Variants in ZFAT observed in about 807,000 individuals in gnomAD.
ZFAT encodes zinc finger and AT-hook domain containing, also known as zinc finger protein ZFAT.
In ZFAT, 64 loss-of-function variants were observed where a neutral mutation model predicts 117.7. The ratio of observed to expected loss-of-function variants is 0.54; its 90% confidence interval spans 0.44 to 0.67. ZFAT has a LOEUF of 0.67. Ranked by LOEUF, ZFAT falls within the 30% of genes least tolerant of loss-of-function variation. The pLI, the probability that ZFAT is intolerant of heterozygous loss-of-function variation, is 0.00. For missense variants in ZFAT, 1,433 were observed against 1,584.5 expected (o/e 0.90, Z 1.62); for synonymous variants, 679 against 615.0 (o/e 1.10, Z -1.54).
Position 134,478,080 on chromosome 8 carries a change from G to A in ZFAT, c.*402C>T, listed in dbSNP as rs765312527. ...TCTCCCTCTCACCAGACTGCATAGC[G>A]GTTGCAGATGAACATTTGGCACCTA... is the stretch of plus-strand genomic sequence containing the variant. On this transcript the variant is annotated 3_prime_UTR_variant, in exon 16 of 16. Transcript: ENST00000377838. The surrounding 1 kb of genome is among the most constrained non-coding windows in gnomAD (Gnocchi z 5.2). 2.3e-4 allele frequency: 53 copies of A among 232,078 alleles called. No individual in the cohort carries two copies. The highest frequency in any genetic ancestry group is 3.2e-4 in the Non-Finnish European group (37 of 115,878). The allele number at this position is 232,078 out of a possible 1,614,324, so 14.4% of individuals were successfully genotyped here.
At chr8:134,510,303 C>G in intron 14 of ZFAT, 1 of 391,340 alleles carries the variant, frequency 2.6e-6, no homozygotes, top group Non-Finnish European at 5.3e-6. Context: ...CATCATCAGG[C>G]AGCTATTTAG....
the ZFAT span, among the ~76,000 whole-genome samples, chr8:134,818,394 G>C: frequency 6.6e-6 from 1 of 152,256 alleles, no homozygotes; most frequent in African/African-American, 2.4e-5. Flanking sequence ...GCAGTCATTA[G>C]AGAAATGCAA....
chr8:134,689,670 T>G (rs1833502595), intron 1 of ZFAT, among the ~76,000 whole-genome samples: 1 of 152,154 alleles, frequency 6.6e-6, no homozygotes, highest in Non-Finnish European at 1.5e-5. Context: ...TTGAAAACAA[T>G]ATAGAAGGCC....
intron 10 of ZFAT, among the ~76,000 whole-genome samples, chr8:134,583,129 T>G (rs1363226728): frequency 6.6e-6 from 1 of 152,000 alleles, no homozygotes; most frequent in Non-Finnish European, 1.5e-5. Flanking sequence ...CCTCGACCCA[T>G]GCCCTGCTCC....
chr8:134,512,478 T>C lies in ZFAT; in HGVS notation c.3358A>G (p.Ser1120Gly). Reference protein sequence around the residue: ...ALQDLRYTSESGDRLDPTAVN... With the variant: ...ALQDLRYTSEGGDRLDPTAVN... ...AAGGAAGACCAGGCGTCCTCACCAC[T>C]CTCAGAGGTGTATCTCAGGTCCTGG... The change falls in exon 14 of 16, where the codon AGT (serine) becomes GGT (glycine). Residue 1120 changes from serine to glycine, a missense_variant. By Grantham distance (56) the Ser-to-Gly change is moderately conservative. Around this residue, in one of 5 missense-constraint regions of ZFAT, gnomAD observed 503 missense variants for 543.4 expected, o/e 0.93. Transcript: ENST00000377838. 1 of 1,613,840 alleles carries C rather than the reference T, an allele frequency of 6.2e-7. No homozygotes were observed.
At position 134,520,895 on chromosome 8, in the gene ZFAT, G is replaced by T; in HGVS notation, c.3222C>A (p.Asp1074Glu). The change falls in exon 13 of 16, where the codon GAC (aspartate) becomes GAA (glutamate). Residue 1074 changes from aspartate to glutamate, a missense_variant. Asp to Glu is a conservative substitution (Grantham distance 45, BLOSUM62 2). Transcript: ENST00000377838. ...HGLKVVEIDG[D>E]PKWETATEAP... ...TTAAAAAAATTACCTCCCACTTGGG[G>T]TCTCCATCAATTTCCACCACCTTCA... 1.2e-6 allele frequency: 2 copies of T among 1,613,544 alleles called. No homozygotes were observed. Among genetic ancestry groups the T allele is most frequent in the South Asian group, 1.1e-5 (1 of 91,054 alleles).
chr8:134,528,630 A>C (rs1294801112), intron 12 of ZFAT, among the ~76,000 whole-genome samples: 2 of 152,216 alleles, frequency 1.3e-5, no homozygotes, highest in Non-Finnish European at 2.9e-5. Context: ...TCTCCTTGAC[A>C]CTTCTCCTCT....
the ZFAT span, among the ~76,000 whole-genome samples, chr8:134,814,677 A>G: frequency 6.6e-6 from 1 of 152,336 alleles, no homozygotes; most frequent in East Asian, 1.9e-4. Flanking sequence ...CACACCCATC[A>G]TGCCCTCCAC....
chr8:134,819,580 C>A, the ZFAT span, among the ~76,000 whole-genome samples: 6 of 145,336 alleles, frequency 4.1e-5, no homozygotes, highest in African/African-American at 1.5e-4. Context: ...TGCTCCCGCT[C>A]CTCCAATATT....
intron 15 of ZFAT, among the ~76,000 whole-genome samples, chr8:134,482,119 G>T (rs1817352629): frequency 6.6e-6 from 1 of 152,136 alleles, no homozygotes; most frequent in Non-Finnish European, 1.5e-5. Context: ...TTCTCCTTCT[G>T]CCCATCACTA....
chr8:134,602,221 G>C lies in ZFAT; in HGVS notation c.1498C>G (p.Leu500Val), dbSNP rs760196641. Residue 500 changes from leucine to valine, a missense_variant, in exon 6 of 16, where the codon CTC (leucine) becomes GTC (valine). Leu to Val is a conservative substitution (Grantham distance 32). Transcript: ENST00000377838. Reference sequence around the variant, plus strand: ...TGGATGTCCCCACCAGGTTCCAGGAGGCAGAAGCTCTGGTTGATGGAACTG... The same window carrying C: ...TGGATGTCCCCACCAGGTTCCAGGACGCAGAAGCTCTGGTTGATGGAACTG... Reference protein sequence around the residue: ...FTSSINQSFCLLEPGGDIQQE... With the variant: ...FTSSINQSFCVLEPGGDIQQE... 1 of 1,613,686 alleles carries C rather than the reference G, an allele frequency of 6.2e-7. No individual in the cohort carries two copies. Among genetic ancestry groups the C allele is most frequent in the Admixed American group, 1.7e-5 (1 of 60,030 alleles).
the ZFAT span, among the ~76,000 whole-genome samples, chr8:134,727,589 T>A: frequency 7.2e-5 from 11 of 152,224 alleles, no homozygotes; most frequent in Non-Finnish European, 1.5e-5. Context: ...CCACCTATTT[T>A]ACACGTCAAG....
intron 1 of ZFAT, among the ~76,000 whole-genome samples, chr8:134,685,896 T>C (rs1046055709): frequency 6.6e-6 from 1 of 152,166 alleles, no homozygotes; most frequent in Non-Finnish European, 1.5e-5. Flanking sequence ...ATTAACCCAG[T>C]AAGTGAGGGG....
At chr8:134,752,741 T>G in the ZFAT span, among the ~76,000 whole-genome samples, 13 of 152,150 alleles carry the variant, frequency 8.5e-5, no homozygotes, top group African/African-American at 2.9e-4. Flanking sequence ...GCCATCTTTA[T>G]GCAGCACGCT....
At chr8:134,763,359 C>T in the ZFAT span, among the ~76,000 whole-genome samples, 2 of 152,150 alleles carry the variant, frequency 1.3e-5, no homozygotes, top group Non-Finnish European at 2.9e-5. Flanking sequence ...TTTATTACTA[C>T]CTTCGAGCTT....
chr8:134,550,135 G>A (rs935499242), intron 11 of ZFAT, among the ~76,000 whole-genome samples: 2 of 152,100 alleles, frequency 1.3e-5, no homozygotes, highest in Non-Finnish European at 2.9e-5. Context: ...GTCACACTCT[G>A]GTCTATAATC....
intron 1 of ZFAT, among the ~76,000 whole-genome samples, chr8:134,712,558 G>A (rs1368495319): frequency 6.6e-6 from 1 of 150,632 alleles, no homozygotes; most frequent in East Asian, 2.0e-4. Context: ...GCTGGCCCGC[G>A]CCCCAACGCC....
chr8:134,713,173 C>G (rs997981479), upstream of ZFAT: 5 of 283,652 alleles, frequency 1.8e-5, no homozygotes, highest in Admixed American at 2.6e-4. Context: ...TGCTTTTTAT[C>G]CCACTTCACG....
intron 1 of ZFAT, among the ~76,000 whole-genome samples, chr8:134,687,451 A>T (rs1833376914): frequency 6.6e-6 from 1 of 152,218 alleles, no homozygotes; most frequent in Non-Finnish European, 1.5e-5. Context: ...ATTTTTAAGC[A>T]CTCTCAAAAT....
Sources: allele counts gnomAD v4.1 joint callset (sites outside exome capture counted in the v4.1 genomes callset), GRCh38; gene constraint gnomAD v4.1.1; regional missense constraint gnomAD v4.1.1; non-coding constraint Gnocchi (gnomAD v3.1); transcripts MANE v1.5; gene names NCBI Gene and HGNC (gene_info 2026-07-23, HGNC 2026-07-21).